The following MSRA variants were observed in gnomAD, a reference collection of about 807,000 sequenced individuals.
MSRA encodes mitochondrial peptide methionine sulfoxide reductase.
In MSRA, 54 loss-of-function variants were observed where a neutral mutation model predicts 31.3. That is an observed-to-expected ratio of 1.73 (90% CI 1.39 to 2.17). The LOEUF (loss-of-function observed/expected upper bound fraction) is 2.17, where lower values mean the gene tolerates loss of function less well. Among genes scored for constraint, MSRA ranks in the 30% most tolerant of loss-of-function variants. The probability of loss-of-function intolerance (pLI) is 0.00; values close to 1 mark genes in which losing one functional copy is unlikely to be tolerated. For missense variants in MSRA, 507 were observed against 300.9 expected (o/e 1.69, Z -5.07); for synonymous variants, 169 against 116.5 (o/e 1.45, Z -2.90).
chr8:10,056,524 C>CTTT (rs58900236), intron 1 of MSRA, among the ~76,000 whole-genome samples: 2 of 138,258 alleles, frequency 1.4e-5, no homozygotes. Flanking sequence ...GGCCAGTAAA[C>CTTT]TTTTTTTTTT....
chr8:10,265,025 T>C (rs980594968), intron 3 of MSRA, among the ~76,000 whole-genome samples: 1 of 152,166 alleles, frequency 6.6e-6, no homozygotes, highest in African/African-American at 2.4e-5. Context: ...CACAACAGAC[T>C]GAGGTATTTG....
At chr8:10,201,647 T>C (rs1392126515) in intron 1 of MSRA, among the ~76,000 whole-genome samples, 3 of 152,264 alleles carry the variant, frequency 2.0e-5, no homozygotes, top group Non-Finnish European at 4.4e-5. Context: ...TCATACAATT[T>C]GAAGTGCATG....
intron 5 of MSRA, among the ~76,000 whole-genome samples, chr8:10,373,482 C>A (rs571286268): frequency 6.6e-6 from 1 of 152,264 alleles, no homozygotes; most frequent in African/African-American, 2.4e-5. Context: ...CTTGATCCTC[C>A]TGCCTTGGCC....
chr8:10,289,056 G>A (rs939035655), intron 3 of MSRA, among the ~76,000 whole-genome samples: 32 of 150,780 alleles, frequency 2.1e-4, no homozygotes, highest in Admixed American at 1.8e-3. Context: ...TCGCTCTGTC[G>A]CCAGGCTGGA....
At chr8:10,329,917 T>G (rs1045617534) in intron 5 of MSRA, among the ~76,000 whole-genome samples, 1 of 151,646 alleles carries the variant, frequency 6.6e-6, no homozygotes, top group African/African-American at 2.4e-5. Flanking sequence ...TTTACTGCTA[T>G]ACTACTTCTG....
intron 3 of MSRA, among the ~76,000 whole-genome samples, chr8:10,245,984 C>T (rs376739056): frequency 5.3e-5 from 8 of 152,166 alleles, no homozygotes; most frequent in African/African-American, 1.2e-4. Flanking sequence ...CACTGAAAGC[C>T]GTGCTATAAT....
chr8:10,298,510 C>T (rs368649652), intron 3 of MSRA, among the ~76,000 whole-genome samples: 3 of 151,984 alleles, frequency 2.0e-5, no homozygotes, highest in East Asian at 3.9e-4. Flanking sequence ...TACGGAATAT[C>T]AGTTTTGCGA....
intron 5 of MSRA, among the ~76,000 whole-genome samples, chr8:10,373,706 C>T (rs1805602761): frequency 6.6e-6 from 1 of 152,310 alleles, no homozygotes; most frequent in South Asian, 2.1e-4. Context: ...GGGGCAACAC[C>T]AGGAGTGAGG....
At chr8:10,338,501 AT>A (rs1237977656) in intron 5 of MSRA, among the ~76,000 whole-genome samples, 1 of 152,216 alleles carries the variant, frequency 6.6e-6, no homozygotes, top group African/African-American at 2.4e-5. Flanking sequence ...ACGTCTCACC[AT>A]AAAAAAACAA....
At chr8:10,279,515 CCA>C (rs1799504747) in intron 3 of MSRA, among the ~76,000 whole-genome samples, 1 of 152,166 alleles carries the variant, frequency 6.6e-6, no homozygotes, top group Non-Finnish European at 1.5e-5. Context: ...ACCCTACCCC[CCA>C]CACGCCTTCT....
At chr8:10,223,329 T>C (rs190281914) in intron 2 of MSRA, among the ~76,000 whole-genome samples, 1 of 152,344 alleles carries the variant, frequency 6.6e-6, no homozygotes, top group Non-Finnish European at 1.5e-5. Flanking sequence ...TCTGGTATAC[T>C]TGGAATGGAG....
At chr8:10,378,882 A>G (rs1408882093) in intron 5 of MSRA, among the ~76,000 whole-genome samples, 6 of 152,228 alleles carry the variant, frequency 3.9e-5, no homozygotes, top group Admixed American at 6.5e-5. Context: ...ATTTAAAACC[A>G]TATCTTATTA....
intron 5 of MSRA, among the ~76,000 whole-genome samples, chr8:10,377,915 A>G (rs1805841570): frequency 6.6e-6 from 1 of 152,204 alleles, no homozygotes. Flanking sequence ...CCCGTGATCC[A>G]GGAGGGACTG....
chr8:10,291,815 C>G (rs1170844194), intron 3 of MSRA, among the ~76,000 whole-genome samples: 1 of 152,112 alleles, frequency 6.6e-6, no homozygotes, highest in East Asian at 1.9e-4. Flanking sequence ...TACTGTGTCT[C>G]CCTCTCCCCT....
intron 2 of MSRA, among the ~76,000 whole-genome samples, chr8:10,225,433 C>A (rs1193359914): frequency 3.9e-5 from 6 of 152,152 alleles, no homozygotes; most frequent in Admixed American, 3.3e-4. Flanking sequence ...TTACTTGGGG[C>A]CTAGTCTCAA....
At chr8:10,154,405 T>C (rs1803975264) in intron 1 of MSRA, among the ~76,000 whole-genome samples, 1 of 151,896 alleles carries the variant, frequency 6.6e-6, no homozygotes, top group Non-Finnish European at 1.5e-5. Context: ...TGAGACTGAG[T>C]CTTGCTCTGT....
chr8:10,101,959 C>T (rs1452301743), intron 1 of MSRA, among the ~76,000 whole-genome samples: 1 of 152,102 alleles, frequency 6.6e-6, no homozygotes, highest in Non-Finnish European at 1.5e-5. Context: ...TTCAGTTGTA[C>T]TCCCTTCTTT....
intron 5 of MSRA, among the ~76,000 whole-genome samples, chr8:10,341,889 G>A (rs1803449971): frequency 6.6e-6 from 1 of 152,174 alleles, no homozygotes; most frequent in Non-Finnish European, 1.5e-5. Context: ...GCATGGCTCG[G>A]GACAGTGCCA....
At chr8:10,402,179 T>C (rs1010760954) in intron 5 of MSRA, among the ~76,000 whole-genome samples, 2 of 152,212 alleles carry the variant, frequency 1.3e-5, no homozygotes, top group African/African-American at 4.8e-5. Context: ...GTCCACTCCC[T>C]GTGCGATGCC....
Sources: allele counts gnomAD v4.1 joint callset (sites outside exome capture counted in the v4.1 genomes callset), GRCh38; gene constraint gnomAD v4.1.1; transcripts MANE v1.5; gene names NCBI Gene and HGNC (gene_info 2026-07-23, HGNC 2026-07-21).